Variants in GABRB1 observed in about 807,000 individuals in gnomAD.
GABRB1 encodes the protein gamma-aminobutyric acid type A receptor subunit beta1.
A neutral mutation model predicts 51.6 loss-of-function variants in GABRB1; 17 were observed. That is an observed-to-expected ratio of 0.33 (90% CI 0.23 to 0.49). The LOEUF is 0.49. Ranked by LOEUF, GABRB1 falls within the 20% of genes least tolerant of loss-of-function variation. The pLI is 0.99. For synonymous variants in GABRB1, 247 were observed against 218.9 expected, an observed-to-expected ratio of 1.13 and a Z score of -1.14; for missense variants, 410 against 600.6, an observed-to-expected ratio of 0.68 and a Z score of 3.32.
At chr4:47,066,270 A>G (rs1017255396) in intron 3 of GABRB1, among the ~76,000 whole-genome samples, 1 of 152,214 alleles carries the variant, frequency 6.6e-6, no homozygotes, top group African/African-American at 2.4e-5. Flanking sequence ...AAATATGCTA[A>G]TGATCATCTT....
intron 5 of GABRB1, among the ~76,000 whole-genome samples, chr4:47,392,991 T>C (rs891766131): frequency 6.6e-6 from 1 of 152,126 alleles, no homozygotes; most frequent in Non-Finnish European, 1.5e-5. Flanking sequence ...GAAACTGAGG[T>C]TGTGGCTATA....
chr4:47,063,981 T>C (rs1176629539), intron 3 of GABRB1, among the ~76,000 whole-genome samples: 1 of 152,126 alleles, frequency 6.6e-6, no homozygotes, highest in African/African-American at 2.4e-5. Context: ...CAAACCACCA[T>C]GGCACACGTT....
intron 3 of GABRB1, among the ~76,000 whole-genome samples, chr4:47,150,325 CACACACACACACACACACGCACAT>C (rs1324964751): frequency 1.5e-3 from 207 of 139,598 alleles, no homozygotes; most frequent in African/African-American, 5.0e-3. Flanking sequence ...CACACACACA[CACACACACACACACACACGCACAT>C]ACACACACAC....
chr4:47,166,079 G>A (rs971237474), intron 4 of GABRB1, among the ~76,000 whole-genome samples: 4 of 150,712 alleles, frequency 2.7e-5, no homozygotes, highest in East Asian at 3.9e-4. Flanking sequence ...ATCTTATTTC[G>A]CCTAGAAAAA....
chr4:47,364,983 T>A (rs1180497834), intron 5 of GABRB1, among the ~76,000 whole-genome samples: 1 of 151,956 alleles, frequency 6.6e-6, no homozygotes, highest in Non-Finnish European at 1.5e-5. Context: ...AACAAGAAAT[T>A]CTAAAATAAT....
intron 3 of GABRB1, among the ~76,000 whole-genome samples, chr4:47,074,887 C>A (rs996479652): frequency 6.6e-6 from 1 of 152,164 alleles, no homozygotes; most frequent in African/African-American, 2.4e-5. Context: ...GGGTACTAGG[C>A]AAATCTCAAG....
rs557039095 is a variant in GABRB1 at position 47,374,514 on chromosome 4, T to C, written c.545-28804T>C. The stretch of plus-strand genomic sequence containing the variant: ...ACAGAATTATTTGTTTAGGAGACCT[T>C]ATCCAAAGGAGTAGAGTAGCGAGGG... On this transcript the variant is annotated intron_variant, in intron 5 of 8. Transcript: ENST00000295454. Among the ~76,000 whole-genome samples, 29 of 152,334 alleles carry C rather than the reference T, an allele frequency of 1.9e-4. No individual in the cohort carries two copies. In the South Asian group the frequency reaches 5.2e-3, roughly 27 times the overall value.
At chr4:47,363,579 T>C (rs1327509048) in intron 5 of GABRB1, among the ~76,000 whole-genome samples, 2 of 152,112 alleles carry the variant, frequency 1.3e-5, no homozygotes, top group Non-Finnish European at 2.9e-5. Context: ...TATTATAAAA[T>C]AATCTATGAT....
chr4:47,054,151 G>GT (rs10709198), intron 3 of GABRB1, among the ~76,000 whole-genome samples: 11 of 150,862 alleles, frequency 7.3e-5, no homozygotes, highest in East Asian at 3.9e-4. Context: ...CATTTACCAA[G>GT]TTTTTTTTTT....
intron 4 of GABRB1, among the ~76,000 whole-genome samples, chr4:47,256,501 T>C (rs1020165737): frequency 6.6e-6 from 1 of 152,220 alleles, no homozygotes; most frequent in Non-Finnish European, 1.5e-5. Context: ...AATATTGTAT[T>C]AGTCTGTTCT....
At position 47,298,325 on chromosome 4, in the gene GABRB1, G is replaced by A. The variant is rs200784097; in HGVS notation, c.462-21802G>A. 4.4e-3 allele frequency among the ~76,000 whole-genome samples: 663 copies of A among 152,108 alleles called. 7 individuals are homozygous for A. Among genetic ancestry groups the A allele is most frequent in the African/African-American group, 0.015 (641 of 41,528 alleles). ...CCCTGTTTGCAGATGACATGATTGTGTATCTAGAAAACCCCATCATCTCAG... is the reference window on the plus strand; with the variant it reads ...CCCTGTTTGCAGATGACATGATTGTATATCTAGAAAACCCCATCATCTCAG... On this transcript the variant is annotated intron_variant, in intron 4 of 8. Coordinates refer to ENST00000295454, the MANE Select transcript of GABRB1 (RefSeq NM_000812.4).
At chr4:47,172,421 TCAACTCACAAAA>T (rs1035468593) in intron 4 of GABRB1, among the ~76,000 whole-genome samples, 1 of 152,120 alleles carries the variant, frequency 6.6e-6, no homozygotes, top group African/African-American at 2.4e-5. Flanking sequence ...CCTGAGTGGT[TCAACTCACAAAA>T]CACATTTTGA....
chr4:47,215,563 G>T (rs774998269), intron 4 of GABRB1, among the ~76,000 whole-genome samples: 39 of 151,748 alleles, frequency 2.6e-4, no homozygotes, highest in Non-Finnish European at 5.0e-4. Context: ...CCCTCAGTCA[G>T]TAAAAAAAAA....
At chr4:47,296,258 A>C (rs1272700107) in intron 4 of GABRB1, among the ~76,000 whole-genome samples, 2 of 152,158 alleles carry the variant, frequency 1.3e-5, no homozygotes, top group African/African-American at 4.8e-5. Context: ...ACACATAACA[A>C]TATTAACCTT....
chr4:47,182,853 C>T (rs145628051), intron 4 of GABRB1, among the ~76,000 whole-genome samples: 223 of 152,036 alleles, frequency 1.5e-3, no homozygotes, highest in African/African-American at 5.0e-3. Flanking sequence ...AGTGCTTTTA[C>T]AAGCTAAACC....
intron 1 of GABRB1, among the ~76,000 whole-genome samples, chr4:47,024,338 A>G (rs1199581562): frequency 6.6e-6 from 1 of 151,914 alleles, no homozygotes; most frequent in Non-Finnish European, 1.5e-5. Context: ...GTGAGGGTTC[A>G]TATTGAGAAG....
At chr4:47,254,431 G>A (rs765919325) in intron 4 of GABRB1, among the ~76,000 whole-genome samples, 15 of 131,436 alleles carry the variant, frequency 1.1e-4, no homozygotes, top group Non-Finnish European at 2.2e-4. Flanking sequence ...CTCGAGTGCA[G>A]TGGCGCTCAC....
Position 47,125,532 on chromosome 4 carries a change from A to ATC in GABRB1, c.241-35713_241-35712dup, listed in dbSNP as rs1390763897. On this transcript the variant is annotated intron_variant, in intron 3 of 8. Coordinates refer to ENST00000295454, the MANE Select transcript of GABRB1 (RefSeq NM_000812.4). ...TCAAGATAGCTATAGATACATAGGT[A>ATC]TCTCTAGACACAACAAAGTATAATT... Among the ~76,000 whole-genome samples the ATC allele has an allele frequency of 5.4e-5, 8 of 148,302 alleles. No homozygotes were observed. In the East Asian group the frequency reaches 1.6e-3, roughly 29 times the overall value.
At chr4:47,327,096 T>A (rs369089337) in intron 5 of GABRB1, among the ~76,000 whole-genome samples, 1 of 152,236 alleles carries the variant, frequency 6.6e-6, no homozygotes. Flanking sequence ...AGATGAGATT[T>A]AAGAAGGATA....
Sources: gnomAD v4.1 joint callset for allele counts (sites outside exome capture counted in the v4.1 genomes callset) on GRCh38, gnomAD v4.1.1 for gene constraint, MANE v1.5 for transcripts, NCBI Gene and HGNC (gene_info 2026-07-23, HGNC 2026-07-21) for gene names.